The following ACOT11 variants were observed in gnomAD, a reference collection of about 807,000 sequenced individuals.
ACOT11 encodes acyl-CoA thioesterase 11.
Under a neutral mutation model 77.5 loss-of-function variants are expected in ACOT11, and 69 were observed. The observed-to-expected ratio is 0.89, with a 90% CI of 0.73 to 1.09. ACOT11 has a LOEUF of 1.09. ACOT11 is among the 50% of genes least tolerant of loss of function. The probability of loss-of-function intolerance (pLI) is 0.00; values close to 1 mark genes in which losing one functional copy is unlikely to be tolerated. For missense variants in ACOT11, 766 were observed against 813.7 expected, an observed-to-expected ratio of 0.94 and a Z score of 0.71; for synonymous variants, 279 against 313.0, an observed-to-expected ratio of 0.89 and a Z score of 1.15.
chr1:54,630,812 A>C, exon 16 of ACOT11: 1 of 770,552 alleles, frequency 1.3e-6, no homozygotes. Context: ...ATCCAGGTCA[A>C]AGGGTCGCAG....
In ACOT11 at chr1:54,584,556, T is replaced by TCTCTCC; in HGVS notation, c.34-97_34-92dup. The stretch of plus-strand genomic sequence containing the variant: ...TGGTGGGAGGTGGCCCTAGGTACTC[T>TCTCTCC]CTCTCCCCCAGACCCTAAGTTCTCA... On this transcript the variant is annotated intron_variant, in intron 1 of 15. Transcript: ENST00000343744. The surrounding 1 kb of genome is among the most constrained non-coding windows in gnomAD (Gnocchi z 6.3). 8.5e-7 allele frequency: 1 copy of TCTCTCC among 1,181,842 alleles called. No homozygotes were observed. The highest frequency in any genetic ancestry group is 1.2e-6 in the Non-Finnish European group (1 of 835,846). The allele number at this position is 1,181,842 out of a possible 1,614,324, so 73.2% of individuals were successfully genotyped here.
At chr1:54,560,868 C>A (rs1309834175) in intron 1 of ACOT11, among the ~76,000 whole-genome samples, 2 of 152,078 alleles carry the variant, frequency 1.3e-5, no homozygotes, top group African/African-American at 4.8e-5. Flanking sequence ...ATTACAGGCG[C>A]CTGCCACCAT....
chr1:54,595,925 G>A (rs1654882097), intron 6 of ACOT11, among the ~76,000 whole-genome samples: 1 of 152,212 alleles, frequency 6.6e-6, no homozygotes, highest in Non-Finnish European at 1.5e-5. Flanking sequence ...CCCAGAGGAA[G>A]CCTCAAGCTA....
At chr1:54,603,780 C>A in intron 10 of ACOT11, 91 bp from the exon 11 acceptor site, 1 of 1,255,746 alleles carries the variant, frequency 8.0e-7, no homozygotes, top group Non-Finnish European at 1.2e-6. Flanking sequence ...GGGCTCAGCA[C>A]AGGGCCTAGC....
intron 1 of ACOT11, among the ~76,000 whole-genome samples, chr1:54,563,764 C>A (rs999442165): frequency 2.6e-5 from 4 of 151,628 alleles, no homozygotes; most frequent in African/African-American, 9.7e-5. Context: ...CTAAAAATAA[C>A]ATTTAAAAAA....
chr1:54,565,656 T>C (rs1268579616), intron 1 of ACOT11, among the ~76,000 whole-genome samples: 1 of 152,086 alleles, frequency 6.6e-6, no homozygotes. Flanking sequence ...ATACAGTAGG[T>C]ACATGGTAAG....
chr1:54,623,265 G>T, intron 15 of ACOT11: 1 of 1,594,106 alleles, frequency 6.3e-7, no homozygotes, highest in South Asian at 1.1e-5. Context: ...ATGACATGGG[G>T]GGAGGCACCT....
At chr1:54,634,379 T>G (rs536927758) in intron 16 of ACOT11, among the ~76,000 whole-genome samples, 2 of 152,378 alleles carry the variant, frequency 1.3e-5, no homozygotes, top group East Asian at 3.9e-4. Flanking sequence ...TCAGACGTCC[T>G]GTACTCAGCT....
intron 1 of ACOT11, among the ~76,000 whole-genome samples, chr1:54,568,290 T>C (rs1327749391): frequency 6.6e-6 from 1 of 152,118 alleles, no homozygotes; most frequent in Non-Finnish European, 1.5e-5. Context: ...TCCCTCTTCT[T>C]GTTCCTCTTT....
intron 1 of ACOT11, among the ~76,000 whole-genome samples, chr1:54,565,156 G>A (rs1653690951): frequency 1.3e-5 from 2 of 152,168 alleles, no homozygotes; most frequent in Non-Finnish European, 2.9e-5. Context: ...AGGCAGCAAG[G>A]CAAGGAGAAG....
chr1:54,576,691 T>C (rs1468086132), intron 1 of ACOT11, among the ~76,000 whole-genome samples: 2 of 152,144 alleles, frequency 1.3e-5, no homozygotes, highest in Non-Finnish European at 2.9e-5. Flanking sequence ...ATGCTTTTAC[T>C]TACAGCTTAT....
At chr1:54,601,795 G>T (rs1342932531) in intron 9 of ACOT11, among the ~76,000 whole-genome samples, 2 of 152,236 alleles carry the variant, frequency 1.3e-5, no homozygotes, top group African/African-American at 4.8e-5. Context: ...TGTATCTGCA[G>T]TCCCTACCTC....
At chr1:54,558,613 G>C (rs2100942309) in intron 1 of ACOT11, among the ~76,000 whole-genome samples, 1 of 152,294 alleles carries the variant, frequency 6.6e-6, no homozygotes, top group East Asian at 1.9e-4. Context: ...TCCAGCCAAG[G>C]GGAACAGAAT....
At position 54,591,056 on chromosome 1, in the gene ACOT11, C is replaced by G. The variant is rs181334598; in HGVS notation, c.312-1490C>G. Among the ~76,000 whole-genome samples the G allele has an allele frequency of 3.9e-3, 594 of 152,306 alleles. 3 individuals are homozygous for G. The highest frequency in any genetic ancestry group is 0.014 in the Middle Eastern group (4 of 294). On this transcript the variant is annotated intron_variant, in intron 3 of 15. Coordinates refer to ENST00000343744, the MANE Select transcript of ACOT11 (RefSeq NM_147161.4). Reference sequence around the variant, plus strand: ...TACAGACATAATATATACACTTTCTCTCTCTCTCTCTGCTAAACGATTTGA... The same window carrying G: ...TACAGACATAATATATACACTTTCTGTCTCTCTCTCTGCTAAACGATTTGA...
rs557175781 is a variant in ACOT11, at chr1:54,566,473, A to G, written c.33+18131A>G. ...CTGTCTCAAAAAAAAAAAAAAAAAA[A>G]GCCGAGTGTGAATGTCTCTGTCAAC... is the stretch of plus-strand genomic sequence containing the variant. On this transcript the variant is annotated intron_variant, in intron 1 of 15. Coordinates refer to ENST00000343744, the MANE Select transcript of ACOT11 (RefSeq NM_147161.4). Among the ~76,000 whole-genome samples, 4 of 146,054 alleles carry G rather than the reference A, an allele frequency of 2.7e-5. No individual in the cohort carries two copies. In the South Asian group the frequency reaches 6.5e-4, roughly 24 times the overall value.
chr1:54,575,492 C>T (rs1028980037), intron 1 of ACOT11, among the ~76,000 whole-genome samples: 4 of 152,070 alleles, frequency 2.6e-5, no homozygotes, highest in African/African-American at 7.2e-5. Context: ...GGGCCTCTAG[C>T]GGAGAACCTT....
Position 54,608,005 on chromosome 1 carries a change from C to G in ACOT11, c.1566C>G (p.Tyr522Ter), listed in dbSNP as rs751501412. 6.2e-7 allele frequency: 1 copy of G among 1,613,810 alleles called. No homozygotes were observed. Among genetic ancestry groups the G allele is most frequent in the Non-Finnish European group, 8.5e-7 (1 of 1,179,974 alleles). Residue 522 changes from tyrosine to a stop codon, truncating the protein, a stop_gained, in exon 15 of 16, where the codon TAC (tyrosine) becomes TAG (stop). Coordinates refer to ENST00000343744, the MANE Select transcript of ACOT11 (RefSeq NM_147161.4). LOFTEE classifies it high-confidence loss of function. ...TLPTHRETPEYRRGETLCSGF... is the reference protein window; with the variant it reads ...TLPTHRETPE ...CCACACACCGAGAGACGCCAGAGTA[C>G]AGACGCGGAGAGACCCTCTGCTCAG...
At chr1:54,626,621 A>G (rs1192118126) in intron 15 of ACOT11, among the ~76,000 whole-genome samples, 2 of 79,536 alleles carry the variant, frequency 2.5e-5, no homozygotes. Flanking sequence ...CTGTGGGCCT[A>G]TCTGCCTGAT....
At position 54,567,589 on chromosome 1, in the gene ACOT11, A is replaced by G. The variant is rs568835831; in HGVS notation, c.34-17066A>G. 4.4e-4 allele frequency among the ~76,000 whole-genome samples: 66 copies of G among 151,428 alleles called. No homozygotes were observed. The Middle Eastern group carries it at 0.01, about 24-fold the overall frequency. The stretch of plus-strand genomic sequence containing the variant: ...CCACTGTGCCTGGCCTTTTTTCCCT[A>G]ATTTTTATCCTGCCTACCACCTCCC... On this transcript the variant is annotated intron_variant, in intron 1 of 15. Transcript: ENST00000343744.
Sources: allele counts gnomAD v4.1 joint callset (sites outside exome capture counted in the v4.1 genomes callset), GRCh38; gene constraint gnomAD v4.1.1; non-coding constraint Gnocchi (gnomAD v3.1); transcripts MANE v1.5; gene names NCBI Gene and HGNC (gene_info 2026-07-23, HGNC 2026-07-21).